CBLN2: variants seen among roughly 807,000 people sequenced by gnomAD.
CBLN2 encodes the protein cerebellin 2 precursor, also known as cerebellin-2.
CBLN2 carries 7 observed loss-of-function variants against 15.0 expected under a neutral mutation model. The ratio of observed to expected loss-of-function variants is 0.47; its 90% CI spans 0.27 to 0.88. CBLN2 has a LOEUF of 0.88. Among genes scored for constraint, CBLN2 ranks in the 40% least tolerant of loss-of-function variants. The pLI is 0.14. For missense variants in CBLN2, 242 were observed against 304.5 expected (o/e 0.79, Z 1.53); for synonymous variants, 149 against 135.2 (o/e 1.10, Z -0.71).
chr18:72,601,784 AG>A (rs1225816971), intron 1 of CBLN2, among the ~76,000 whole-genome samples: 1 of 152,060 alleles, frequency 6.6e-6, no homozygotes, highest in East Asian at 1.9e-4. Context: ...TATAAGCGGG[AG>A]GGGGGCTCCA....
upstream of CBLN2, among the ~76,000 whole-genome samples, chr18:72,549,003 T>C (rs1027995905): frequency 6.6e-6 from 1 of 152,058 alleles, no homozygotes; most frequent in Non-Finnish European, 1.5e-5. Flanking sequence ...TCTTTCTTAT[T>C]TATTTATTTA....
chr18:72,552,896 A>G lies in CBLN2; in HGVS notation c.16-14124T>C, dbSNP rs181593546. ...GAAACATTGCGAAAATTGTTTCAGA[A>G]GAGGTTACTAGTGGAATTAGGAAAG... On this transcript the variant is annotated intron_variant, in intron 1 of 2. Transcript: ENST00000581073. Among the ~76,000 whole-genome samples, 13 of 152,316 alleles carry G rather than the reference A, an allele frequency of 8.5e-5. No individual in the cohort carries two copies. In the East Asian group the frequency reaches 2.5e-3, roughly 29 times the overall value.
At chr18:72,616,630 G>A (rs1214223549) in intron 1 of CBLN2, among the ~76,000 whole-genome samples, 1 of 152,166 alleles carries the variant, frequency 6.6e-6, no homozygotes, top group Non-Finnish European at 1.5e-5. Flanking sequence ...GTGTGAGCAT[G>A]TGGCAATCTC....
intron 3 of CBLN2, among the ~76,000 whole-genome samples, chr18:72,541,285 C>CTT (rs35778072): frequency 1.4e-4 from 21 of 144,906 alleles, no homozygotes; most frequent in African/African-American, 4.3e-4. Context: ...TTCTTCCTCA[C>CTT]TTTTTTTTTT....
upstream of CBLN2, among the ~76,000 whole-genome samples, chr18:72,544,862 T>C (rs1415927884): frequency 1.3e-5 from 2 of 151,938 alleles, no homozygotes; most frequent in African/African-American, 4.8e-5. Flanking sequence ...TTTATGCTGG[T>C]CTAAAAAACA....
At chr18:72,607,133 A>T (rs983919347) in intron 1 of CBLN2, among the ~76,000 whole-genome samples, 3 of 152,214 alleles carry the variant, frequency 2.0e-5, no homozygotes, top group African/African-American at 7.2e-5. Flanking sequence ...CCCTGTGAAC[A>T]TGATCATCTG....
chr18:72,572,382 G>A (rs1347207293), intron 1 of CBLN2, among the ~76,000 whole-genome samples: 2 of 152,080 alleles, frequency 1.3e-5, no homozygotes, highest in African/African-American at 4.8e-5. Flanking sequence ...TGTAGCAACA[G>A]ATGACTAGTG....
chr18:72,583,858 T>C (rs1404512401), intron 1 of CBLN2, among the ~76,000 whole-genome samples: 1 of 152,230 alleles, frequency 6.6e-6, no homozygotes, highest in African/African-American at 2.4e-5. Flanking sequence ...CTTTGAAAAG[T>C]TGCCCTGGCA....
chr18:72,610,692 G>C (rs1231737532), intron 1 of CBLN2, among the ~76,000 whole-genome samples: 1 of 152,144 alleles, frequency 6.6e-6, no homozygotes, highest in Non-Finnish European at 1.5e-5. Context: ...GTACTTCCAA[G>C]ACACAAACCC....
upstream of CBLN2, among the ~76,000 whole-genome samples, chr18:72,546,839 C>T (rs1413168906): frequency 6.6e-6 from 1 of 152,098 alleles, no homozygotes; most frequent in Non-Finnish European, 1.5e-5. Context: ...TTCAAGTACC[C>T]TTCCTCTCAT....
intron 1 of CBLN2, among the ~76,000 whole-genome samples, chr18:72,599,342 A>G (rs554634360): frequency 1.8e-4 from 27 of 152,348 alleles, no homozygotes; most frequent in African/African-American, 5.8e-4. Context: ...ACTTTTCAAC[A>G]GAATAATTCG....
chr18:72,601,545 C>G (rs996490012), intron 1 of CBLN2, among the ~76,000 whole-genome samples: 8 of 152,150 alleles, frequency 5.3e-5, no homozygotes, highest in African/African-American at 1.9e-4. Context: ...CCTGTTAGCC[C>G]AAGTCACGCC....
chr18:72,588,664 T>C (rs2069458572), intron 1 of CBLN2, among the ~76,000 whole-genome samples: 1 of 152,116 alleles, frequency 6.6e-6, no homozygotes, highest in Non-Finnish European at 1.5e-5. Context: ...AGAACCCTCT[T>C]GGATGGGAAA....
At chr18:72,552,304 G>A (rs773222728) in intron 1 of CBLN2, among the ~76,000 whole-genome samples, 2 of 151,732 alleles carry the variant, frequency 1.3e-5, no homozygotes, top group African/African-American at 4.8e-5. Flanking sequence ...GGCTGATCTC[G>A]AACTCCTGAC....
At chr18:72,572,495 A>T (rs1045812576) in intron 1 of CBLN2, among the ~76,000 whole-genome samples, 1 of 152,198 alleles carries the variant, frequency 6.6e-6, no homozygotes, top group African/African-American at 2.4e-5. Flanking sequence ...AAAGTTTTCA[A>T]ATGTCCATTT....
At chr18:72,545,835 T>G (rs1304182918), upstream of CBLN2, among the ~76,000 whole-genome samples, 1 of 152,228 alleles carries the variant, frequency 6.6e-6, no homozygotes, top group African/African-American at 2.4e-5. Flanking sequence ...TCCTCAATAC[T>G]GTAAGCATTC....
chr18:72,585,135 C>G (rs184795989), intron 1 of CBLN2, among the ~76,000 whole-genome samples: 4 of 152,228 alleles, frequency 2.6e-5, no homozygotes, highest in Non-Finnish European at 4.4e-5. Flanking sequence ...GGTGTCACAG[C>G]CCTGGCTCAC....
At chr18:72,570,807 T>G (rs1242186159) in intron 1 of CBLN2, among the ~76,000 whole-genome samples, 4 of 152,092 alleles carry the variant, frequency 2.6e-5, no homozygotes, top group Non-Finnish European at 4.4e-5. Context: ...GTGCCCTTGT[T>G]CAACCTCAGC....
intron 1 of CBLN2, among the ~76,000 whole-genome samples, chr18:72,583,336 C>G (rs1009876811): frequency 5.3e-5 from 8 of 152,152 alleles, no homozygotes; most frequent in Non-Finnish European, 1.2e-4. Context: ...ACAAAAGCAG[C>G]GGCTCTTTCT....
Sources: gnomAD v4.1 joint callset for allele counts (sites outside exome capture counted in the v4.1 genomes callset) on GRCh38, gnomAD v4.1.1 for gene constraint, MANE v1.5 for transcripts, NCBI Gene and HGNC (gene_info 2026-07-23, HGNC 2026-07-21) for gene names.